Variants in SLC24A2 observed in about 807,000 individuals in gnomAD.
The protein encoded by SLC24A2 is sodium/potassium/calcium exchanger 2.
In SLC24A2, 36 loss-of-function variants were observed where a neutral mutation model predicts 62.0. The observed-to-expected ratio is 0.58, with a 90% CI of 0.44 to 0.77. The LOEUF is 0.77. SLC24A2 is among the 30% of genes least tolerant of loss of function. The pLI is 0.00. For synonymous variants in SLC24A2, 358 were observed against 294.0 expected, an observed-to-expected ratio of 1.22 and a Z score of -2.23; for missense variants, 846 against 817.9, an observed-to-expected ratio of 1.03 and a Z score of -0.42.
chr9:20,220,150 G>A, the SLC24A2 span, among the ~76,000 whole-genome samples: 1 of 151,382 alleles, frequency 6.6e-6, no homozygotes, highest in Non-Finnish European at 1.5e-5. Flanking sequence ...TGGCTTCCAA[G>A]TATTTCTCAC....
chr9:20,203,443 G>C, the SLC24A2 span, among the ~76,000 whole-genome samples: 1 of 152,148 alleles, frequency 6.6e-6, no homozygotes, highest in Non-Finnish European at 1.5e-5. Context: ...CCATTAATTA[G>C]CAGGTGAACT....
chr9:19,636,305 TTTTCTTTTC>T (rs1336644616), intron 2 of SLC24A2, among the ~76,000 whole-genome samples: 8 of 44,928 alleles, frequency 1.8e-4, no homozygotes, highest in East Asian at 9.3e-4. Context: ...TTTTCTTTTC[TTTTCTTTTC>T]TTTTCTTTCT....
the SLC24A2 span, among the ~76,000 whole-genome samples, chr9:20,200,902 G>T: frequency 1.3e-5 from 2 of 152,230 alleles, no homozygotes; most frequent in South Asian, 2.1e-4. Context: ...GAGGTCACAA[G>T]TGTGGTAGTT....
intron 2 of SLC24A2, among the ~76,000 whole-genome samples, chr9:19,687,354 C>A (rs111236783): frequency 6.6e-6 from 1 of 152,050 alleles, no homozygotes; most frequent in African/African-American, 2.4e-5. Context: ...GTTACTCACC[C>A]CTTGTGTACA....
At chr9:19,568,234 G>T (rs1182180861) in intron 7 of SLC24A2, among the ~76,000 whole-genome samples, 1 of 152,152 alleles carries the variant, frequency 6.6e-6, no homozygotes, top group Non-Finnish European at 1.5e-5. Context: ...TACTGACTCT[G>T]GAGGCCCAGC....
chr9:20,258,074 C>A, the SLC24A2 span, among the ~76,000 whole-genome samples: 5 of 152,170 alleles, frequency 3.3e-5, no homozygotes, highest in African/African-American at 1.2e-4. Flanking sequence ...CTCTCCCAAC[C>A]CCCTACACAC....
chr9:20,073,725 C>A, the SLC24A2 span, among the ~76,000 whole-genome samples: 5 of 151,884 alleles, frequency 3.3e-5, no homozygotes, highest in African/African-American at 1.2e-4. Flanking sequence ...GGATCTTAAA[C>A]TAAAATTCTC....
intron 2 of SLC24A2, among the ~76,000 whole-genome samples, chr9:19,770,378 C>A (rs369348457): frequency 6.6e-6 from 1 of 151,910 alleles, no homozygotes; most frequent in East Asian, 1.9e-4. Flanking sequence ...ATTAATCTCT[C>A]AAGATTAATA....
chr9:20,275,498 A>G, the SLC24A2 span, among the ~76,000 whole-genome samples: 77 of 152,314 alleles, frequency 5.1e-4, no homozygotes, highest in African/African-American at 1.5e-3. Flanking sequence ...GCCACCAACA[A>G]GAAGATCACA....
the SLC24A2 span, among the ~76,000 whole-genome samples, chr9:20,202,563 G>T: frequency 6.6e-6 from 1 of 152,150 alleles, no homozygotes; most frequent in Non-Finnish European, 1.5e-5. Context: ...GGAGAGATGG[G>T]CAGGAGTTGC....
At chr9:19,953,863 TATG>T in the SLC24A2 span, among the ~76,000 whole-genome samples, 2 of 152,042 alleles carry the variant, frequency 1.3e-5, no homozygotes, top group Non-Finnish European at 2.9e-5. Context: ...TTATCAAAGA[TATG>T]ATGTTATCAA....
At chr9:19,914,383 C>T in the SLC24A2 span, among the ~76,000 whole-genome samples, 1 of 152,056 alleles carries the variant, frequency 6.6e-6, no homozygotes, top group South Asian at 2.1e-4. Flanking sequence ...ACACCTTATA[C>T]AAAAGACCCT....
At chr9:19,719,335 AC>A (rs1251034839) in intron 2 of SLC24A2, among the ~76,000 whole-genome samples, 1 of 152,184 alleles carries the variant, frequency 6.6e-6, no homozygotes, top group Non-Finnish European at 1.5e-5. Flanking sequence ...ATAATTTGCT[AC>A]CTGGTTGTAA....
At chr9:20,294,847 A>T in the SLC24A2 span, among the ~76,000 whole-genome samples, 1 of 152,236 alleles carries the variant, frequency 6.6e-6, no homozygotes, top group East Asian at 1.9e-4. Flanking sequence ...ATCAAAGGTC[A>T]TGTTCCTACA....
the SLC24A2 span, among the ~76,000 whole-genome samples, chr9:20,251,653 C>T: frequency 3.3e-5 from 5 of 152,134 alleles, no homozygotes; most frequent in Admixed American, 6.5e-5. Context: ...AGTTAAGATA[C>T]CTTTAGCTGC....
chr9:20,282,982 G>A, the SLC24A2 span, among the ~76,000 whole-genome samples: 1 of 152,148 alleles, frequency 6.6e-6, no homozygotes, highest in Admixed American at 6.6e-5. Context: ...CAAAGGGATA[G>A]AAACATGTTA....
the SLC24A2 span, among the ~76,000 whole-genome samples, chr9:19,931,606 TA>T: frequency 1.3e-5 from 2 of 152,246 alleles, no homozygotes; most frequent in African/African-American, 4.8e-5. Flanking sequence ...AAGGCTTTTA[TA>T]TTTAAATCAC....
chr9:19,850,967 G>GTA, the SLC24A2 span, among the ~76,000 whole-genome samples: 18 of 18,182 alleles, frequency 9.9e-4, 1 homozygote, highest in African/African-American at 2.1e-3. Flanking sequence ...ATATATATAT[G>GTA]TATATATATA....
intron 8 of SLC24A2, among the ~76,000 whole-genome samples, chr9:19,542,891 A>C (rs1834346474): frequency 6.6e-6 from 1 of 152,072 alleles, no homozygotes. Flanking sequence ...ACTGGCCTGA[A>C]ATTTTCTTTT....
Sources: allele counts gnomAD v4.1 joint callset (sites outside exome capture counted in the v4.1 genomes callset), GRCh38; gene constraint gnomAD v4.1.1; transcripts MANE v1.5; gene names NCBI Gene and HGNC (gene_info 2026-07-23, HGNC 2026-07-21).